ETV1: variants seen among roughly 807,000 people sequenced by gnomAD.
ETV1 encodes ETS translocation variant 1.
Under a neutral mutation model 62.3 loss-of-function variants are expected in ETV1, and 27 were observed. The ratio of observed to expected loss-of-function variants is 0.43; its 90% CI spans 0.32 to 0.60. The LOEUF (loss-of-function observed/expected upper bound fraction) is 0.60. ETV1 is among the 20% of genes least tolerant of loss of function. ETV1 has a pLI of 0.06. For missense variants in ETV1, 605 were observed against 605.8 expected (o/e 1.00, Z 0.01); for synonymous variants, 222 against 199.6 (o/e 1.11, Z -0.94).
chr7:13,896,729 G>GGAGAGAGAAAGAAAAAC, intron 13 of ETV1, among the ~76,000 whole-genome samples: 1 of 24,248 alleles, frequency 4.1e-5, no homozygotes, highest in Non-Finnish European at 8.1e-5. Flanking sequence ...GAAAGAAAAA[G>GGAGAGAGAAAGAAAAAC]AAAAAGAAAG....
At chr7:13,943,420 G>A (rs141203608) in intron 6 of ETV1, among the ~76,000 whole-genome samples, 1,557 of 152,202 alleles carry the variant, frequency 0.01, 30 homozygotes, top group African/African-American at 0.035. Context: ...AGCTGCTGAG[G>A]GTATGGATTA....
At chr7:13,990,632 G>A (rs1782960949), upstream of ETV1, 1 of 152,364 alleles carries the variant, frequency 6.6e-6, no homozygotes, top group Admixed American at 6.5e-5. Flanking sequence ...AGATGGCTCG[G>A]GTTTCAAGGA....
At position 13,909,623 on chromosome 7, in the gene ETV1, A is replaced by C. The variant is rs760196364; in HGVS notation, c.940+9T>G. 6.2e-7 allele frequency: 1 copy of C among 1,609,942 alleles called. No homozygotes were observed. ...AAAATCAGAACTTGAGGCAAAGTGT[A>C]AAACCTACCATCGAATTTTTCTGGG... On this transcript the variant is annotated intron_variant, in intron 11 of 13. Coordinates refer to ENST00000430479, the MANE Select transcript of ETV1 (RefSeq NM_004956.5).
At chr7:13,977,046 C>T (rs1289055454) in intron 6 of ETV1, among the ~76,000 whole-genome samples, 1 of 152,138 alleles carries the variant, frequency 6.6e-6, no homozygotes, top group Non-Finnish European at 1.5e-5. Context: ...TTAACTCTAC[C>T]TCCCATCAGC....
At chr7:13,964,583 C>A (rs1389155511) in intron 6 of ETV1, among the ~76,000 whole-genome samples, 2 of 152,082 alleles carry the variant, frequency 1.3e-5, no homozygotes, top group African/African-American at 4.8e-5. Flanking sequence ...ATAAACGAGA[C>A]AAAACCTGGC....
At chr7:13,922,668 G>C (rs915780453) in intron 9 of ETV1, among the ~76,000 whole-genome samples, 4 of 152,152 alleles carry the variant, frequency 2.6e-5, no homozygotes, top group African/African-American at 7.2e-5. Context: ...TTTCCATTTT[G>C]GAAATAATGA....
rs116056585 is a variant in ETV1 at position 13,948,484 on chromosome 7, T to C, written c.236-9238A>G. Among the ~76,000 whole-genome samples, 768 of 152,338 alleles carry C rather than the reference T, an allele frequency of 5.0e-3. 7 individuals are homozygous for C. Among genetic ancestry groups the C allele is most frequent in the African/African-American group, 0.018 (729 of 41,570 alleles). ...CGTTTTCTGGTCTGTTCAAAAATCA[T>C]GTTTTAGAATAGTCTTCTGTATGCT... On this transcript the variant is annotated intron_variant, in intron 6 of 13. Transcript: ENST00000430479.
chr7:13,928,945 G>A (rs1029306979), intron 9 of ETV1, among the ~76,000 whole-genome samples: 3 of 152,298 alleles, frequency 2.0e-5, no homozygotes, highest in Admixed American at 6.5e-5. Context: ...GCGACAGAGC[G>A]AGACTCCGTC....
At chr7:13,966,364 G>T (rs1379055334) in intron 6 of ETV1, among the ~76,000 whole-genome samples, 2 of 152,150 alleles carry the variant, frequency 1.3e-5, no homozygotes, top group Non-Finnish European at 2.9e-5. Context: ...CGGGTGTGGT[G>T]GCTCACACCT....
At chr7:13,925,297 C>T (rs1394087985) in intron 9 of ETV1, among the ~76,000 whole-genome samples, 2 of 152,092 alleles carry the variant, frequency 1.3e-5, no homozygotes, top group Non-Finnish European at 2.9e-5. Context: ...CTCCTCCAAC[C>T]AACTACTGAG....
intron 9 of ETV1, among the ~76,000 whole-genome samples, chr7:13,926,199 G>A (rs538462896): frequency 6.6e-6 from 1 of 152,006 alleles, no homozygotes; most frequent in South Asian, 2.1e-4. Context: ...CATTCACTAT[G>A]CATCTTTCAC....
intron 6 of ETV1, 52 bp downstream of exon 6, chr7:13,977,375 A>T (rs1354717076): frequency 8.1e-7 from 1 of 1,234,654 alleles, no homozygotes; most frequent in Admixed American, 2.3e-5. Flanking sequence ...AAGAAGAAAG[A>T]AGGAAACCAG....
At chr7:13,925,138 TC>T (rs1447414998) in intron 9 of ETV1, among the ~76,000 whole-genome samples, 1 of 152,186 alleles carries the variant, frequency 6.6e-6, no homozygotes, top group African/African-American at 2.4e-5. Flanking sequence ...TTAGCTATCT[TC>T]CTCTTGCCTT....
intron 9 of ETV1, among the ~76,000 whole-genome samples, chr7:13,917,429 C>A (rs187007405): frequency 5.9e-5 from 9 of 151,564 alleles, no homozygotes; most frequent in African/African-American, 9.7e-5. Flanking sequence ...GTGATTCTCC[C>A]GCCTCAGCCT....
intron 2 of ETV1, 39 bp downstream of exon 2, chr7:13,989,229 C>T: frequency 1.8e-6 from 1 of 562,300 alleles, no homozygotes; most frequent in Non-Finnish European, 3.1e-6. Flanking sequence ...CCGACAGTCC[C>T]ATTCACAAAA....
Position 13,906,476 on chromosome 7 carries a change from G to A in ETV1, c.1064C>T (p.Ala355Val), listed in dbSNP as rs1426366330. Residue 355 changes from alanine (A) to valine (V), a missense_variant, in exon 12 of 14, where the codon GCC becomes GTC. Physicochemically the swap from Ala to Val is moderately conservative, Grantham distance 64. Transcript: ENST00000430479. Reference sequence around the variant, plus strand: ...AAATTCCATGCCTCGACCAGTCCAGGCAATAAAATGAGAATTTGAAGGGTC... The same window carrying A: ...AAATTCCATGCCTCGACCAGTCCAGACAATAAAATGAGAATTTGAAGGGTC... ...LDDPSNSHFIAWTGRGMEFKL... is the reference protein window; with the variant it reads ...LDDPSNSHFIVWTGRGMEFKL... 3 of 1,609,636 alleles carry A rather than the reference G, an allele frequency of 1.9e-6. No homozygotes were observed. The highest frequency in any genetic ancestry group is 2.5e-6 in the Non-Finnish European group (3 of 1,177,998).
intron 7 of ETV1, among the ~76,000 whole-genome samples, 169 bp from the exon 8 acceptor site, chr7:13,936,065 C>G (rs1401357704): frequency 6.6e-6 from 1 of 152,180 alleles, no homozygotes; most frequent in Non-Finnish European, 1.5e-5. Context: ...TTCAAAATCA[C>G]AACACCCTTA....
chr7:13,917,125 C>A (rs1784260954), intron 9 of ETV1, among the ~76,000 whole-genome samples: 1 of 151,874 alleles, frequency 6.6e-6, no homozygotes. Flanking sequence ...TTCTTTTGGA[C>A]AATACCCCAC....
At position 13,931,740 on chromosome 7, in the gene ETV1, G is replaced by A. The variant is rs948240877; in HGVS notation, c.564C>T (p.Arg188=). The A allele has an allele frequency of 1.2e-6, 2 of 1,613,988 alleles. No individual in the cohort carries two copies. Among genetic ancestry groups the A allele is most frequent in the Non-Finnish European group, 1.7e-6 (2 of 1,179,858 alleles). The change falls in exon 9 of 14, where the codon CGC becomes CGT. Residue 188 remains arginine (R), a synonymous_variant. Transcript: ENST00000430479. The part of the protein sequence containing the change: ...SSYPMDHRFR[R]QLSEPCNSFP... Reference sequence around the variant, plus strand: ...AGGAGTTACAGGGTTCAGAAAGCTGGCGGCGAAATCTAGGGAATAAGAGAG... The same window carrying A: ...AGGAGTTACAGGGTTCAGAAAGCTGACGGCGAAATCTAGGGAATAAGAGAG...
Sources: gnomAD v4.1 joint callset for allele counts (sites outside exome capture counted in the v4.1 genomes callset) on GRCh38, gnomAD v4.1.1 for gene constraint, MANE v1.5 for transcripts, NCBI Gene and HGNC (gene_info 2026-07-23, HGNC 2026-07-21) for gene names.